The following PFKL variants were observed in gnomAD, a reference collection of about 807,000 sequenced individuals.
PFKL encodes the protein ATP-dependent 6-phosphofructokinase, liver type.
PFKL carries 74 observed loss-of-function variants against 92.1 expected under a neutral mutation model. The observed-to-expected ratio is 0.80, with a 90% CI of 0.67 to 0.97. PFKL has a LOEUF of 0.97. PFKL is among the 50% of genes least tolerant of loss of function. The pLI, the probability that PFKL is intolerant of heterozygous loss-of-function variation, is 0.00. For synonymous variants in PFKL, 494 were observed against 456.4 expected, an observed-to-expected ratio of 1.08 and a Z score of -1.05; for missense variants, 1,028 against 1,116.6, an observed-to-expected ratio of 0.92 and a Z score of 1.13.
At chr21:44,307,377 A>G in intron 2 of PFKL, 1 of 892,006 alleles carries the variant, frequency 1.1e-6, no homozygotes, top group South Asian at 5.2e-5. Flanking sequence ...ACACAGGCGC[A>G]TTCACACACT....
chr21:44,319,435 C>T lies in PFKL; in HGVS notation c.1127+20C>T. 3 of 1,606,232 alleles carry T rather than the reference C, an allele frequency of 1.9e-6. No individual in the cohort carries two copies. Among genetic ancestry groups the T allele is most frequent in the Non-Finnish European group, 2.6e-6 (3 of 1,173,372 alleles). On this transcript the variant is annotated intron_variant, in intron 11 of 21. Transcript: ENST00000349048. ...TGGTGGGTAAGCCCCCTCAGCAGAC[C>T]CCTGCACTCTTACATGGCTGGGTCC...
chr21:44,304,587 C>T lies in PFKL; in HGVS notation c.86-2094C>T, dbSNP rs572792868. ...ACTCCAGTGAGGGTGGGGGACAGGG[C>T]GCTGCACTCACAGCACCACCTTGGA... On this transcript the variant is annotated intron_variant, in intron 1 of 21. Transcript: ENST00000349048. The T allele has an allele frequency of 4.7e-5, 49 of 1,041,600 alleles. No individual in the cohort carries two copies. In the South Asian group the frequency reaches 9.3e-4, roughly 20 times the overall value. 64.5% of individuals were successfully genotyped at this position (1,041,600 alleles called of 1,614,324 possible). A position where few individuals can be genotyped will look rare whatever the true frequency, so the allele number is the denominator to read the frequency against.
intron 14 of PFKL, 91 bp downstream of exon 14, chr21:44,322,294 CG>C: frequency 2.4e-6 from 3 of 1,259,108 alleles, no homozygotes; most frequent in Non-Finnish European, 3.3e-6. Flanking sequence ...GAACCCAGCC[CG>C]GGGCCCTGGG....
In PFKL at chr21:44,326,830, C is replaced by T. The variant is rs1193605600; in HGVS notation, c.2311C>T (p.Arg771Cys). Reference protein sequence around the residue: ...YVSGELEHVTRRTLSMDKGF With the variant: ...YVSGELEHVTCRTLSMDKGF ...GTCAGGGGAGCTGGAGCACGTGACCCGCCGCACCCTGAGCATGGACAAGGG... is the reference window on the plus strand; with the variant it reads ...GTCAGGGGAGCTGGAGCACGTGACCTGCCGCACCCTGAGCATGGACAAGGG... Residue 771 changes from arginine to cysteine, a missense_variant, in exon 22 of 22, where the codon CGC becomes TGC. By Grantham distance (180) the Arg-to-Cys change is radical. Transcript: ENST00000349048. The T allele has an allele frequency of 5.6e-6, 9 of 1,610,148 alleles. No individual in the cohort carries two copies. Among genetic ancestry groups the T allele is most frequent in the Middle Eastern group, 1.7e-4 (1 of 6,002 alleles).
At chr21:44,313,734 G>T (rs554744932) in intron 6 of PFKL, 52 bp downstream of exon 6, 2 of 1,544,754 alleles carry the variant, frequency 1.3e-6, no homozygotes, top group African/African-American at 1.4e-5. Context: ...GCTGGGGACC[G>T]CAGTGACAGG....
chr21:44,319,451 G>T, intron 11 of PFKL, 36 bp downstream of exon 11: 1 of 1,575,402 alleles, frequency 6.3e-7, no homozygotes, highest in Non-Finnish European at 8.7e-7. Context: ...ACTCTTACAT[G>T]GCTGGGTCCC....
intron 9 of PFKL, 66 bp downstream of exon 9, chr21:44,316,590 G>C (rs1431547623): frequency 7.8e-7 from 1 of 1,280,016 alleles, no homozygotes; most frequent in South Asian, 1.3e-5. Flanking sequence ...TGTGGGTGTG[G>C]GCAGTGTGCA....
rs771403454 is a variant in PFKL, at chr21:44,313,016, C to A, written c.466C>A (p.Leu156Met). The A allele has an allele frequency of 1.2e-6, 2 of 1,613,168 alleles. No homozygotes were observed. The highest frequency in any genetic ancestry group is 1.7e-6 in the Non-Finnish European group (2 of 1,179,930). ...GACTACAGCCCGGACCTACTCGCAC[C>A]TGAACATCGCGGGCCTAGTGGGCTC... The part of the protein sequence containing the change: ...SETTARTYSH[L>M]NIAGLVGSID... The change falls in exon 5 of 22, where the codon CTG (leucine) becomes ATG (methionine). Residue 156 changes from leucine to methionine, a missense_variant. By Grantham distance (15) the Leu-to-Met change is conservative. Coordinates refer to ENST00000349048, the MANE Select transcript of PFKL (RefSeq NM_002626.6).
chr21:44,319,330 G>C (rs1328498236), intron 10 of PFKL, 21 bp from the exon 11 acceptor site: 2 of 1,609,560 alleles, frequency 1.2e-6, no homozygotes, highest in East Asian at 2.2e-5. Flanking sequence ...CATAGTCTGT[G>C]TTCTGTTTCT....
chr21:44,324,067 G>A (rs2047430557), intron 16 of PFKL, 149 bp downstream of exon 16: 2 of 867,956 alleles, frequency 2.3e-6, no homozygotes, highest in Non-Finnish European at 3.6e-6. Flanking sequence ...CCGGGTGAAG[G>A]GGCTCAGCTC....
At chr21:44,306,616 T>TGG (rs111498206) in intron 1 of PFKL, 65 bp from the exon 2 acceptor site, 59,722 of 1,385,636 alleles carry the variant, frequency 0.043, 1,160 homozygotes, top group Middle Eastern at 0.073. Flanking sequence ...TCCTCTGAGA[T>TGG]GGGGAGGGTG....
At position 44,326,237 on chromosome 21, in the gene PFKL, C is replaced by T. The variant is rs1195907325; in HGVS notation, c.2168C>T (p.Thr723Ile). The part of the protein sequence containing the change: ...KKKAVAFSPV[T>I]ELKKDTDFEH... ...AAGGCGGTGGCCTTCAGCCCCGTCA[C>T]TGAGCTCAAGAAAGACACTGATTTC... The change falls in exon 21 of 22, where the codon ACT becomes ATT. Residue 723 changes from threonine (T) to isoleucine (I), a missense_variant. Thr to Ile is a moderately conservative substitution (Grantham distance 89, BLOSUM62 -1). Coordinates refer to ENST00000349048, the MANE Select transcript of PFKL (RefSeq NM_002626.6). 6.2e-7 allele frequency: 1 copy of T among 1,612,434 alleles called. No homozygotes were observed. The highest frequency in any genetic ancestry group is 8.5e-7 in the Non-Finnish European group (1 of 1,179,400).
intron 7 of PFKL, 84 bp downstream of exon 7, chr21:44,314,105 C>T (rs1222701338): frequency 5.5e-6 from 5 of 901,760 alleles, no homozygotes; most frequent in East Asian, 5.2e-5. Context: ...CAGCCTTGAC[C>T]AACTCATCTA....
rs1169074211 is a variant in PFKL at position 44,319,349 on chromosome 21, A to G, written c.1063-2A>G. The G allele has an allele frequency of 6.2e-7, 1 of 1,612,618 alleles. No individual in the cohort carries two copies. The highest frequency in any genetic ancestry group is 8.5e-7 in the Non-Finnish European group (1 of 1,178,882). On this transcript the variant is annotated splice_acceptor_variant, in intron 10 of 21. Transcript: ENST00000349048. LOFTEE classifies it high-confidence loss of function. ...GTCTGTGTTCTGTTTCTCTTCCTTA[A>G]GACCAAGGAAGTGCAGAAAGCCATG...
intron 1 of PFKL, chr21:44,305,806 G>A (rs757828404): frequency 3.7e-6 from 5 of 1,366,800 alleles, no homozygotes; most frequent in Admixed American, 3.8e-5. Flanking sequence ...CCAGGAAACT[G>A]GCTTTGCCAA....
intron 4 of PFKL, 68 bp from the exon 5 acceptor site, chr21:44,312,910 A>G: frequency 6.5e-7 from 1 of 1,527,578 alleles, no homozygotes; most frequent in Non-Finnish European, 9.0e-7. Context: ...GTGGCAGGAG[A>G]GGGGTCTCTG....
chr21:44,314,067 C>A, intron 7 of PFKL, 46 bp downstream of exon 7: 1 of 1,337,058 alleles, frequency 7.5e-7, no homozygotes. Context: ...TCCTGGTGCA[C>A]TGGGTAGCGC....
intron 9 of PFKL, 91 bp from the exon 10 acceptor site, chr21:44,318,379 G>A: frequency 3.0e-6 from 4 of 1,319,538 alleles, no homozygotes; most frequent in Non-Finnish European, 3.9e-6. Context: ...GGGGGCTCTG[G>A]AAGCTGGGGT....
intron 10 of PFKL, among the ~76,000 whole-genome samples, 196 bp downstream of exon 10, chr21:44,318,791 C>T (rs575154803): frequency 3.5e-4 from 54 of 152,292 alleles, no homozygotes; most frequent in African/African-American, 1.3e-3. Flanking sequence ...GGACCTGGGA[C>T]GTTCCCCAGG....
Sources: allele counts gnomAD v4.1 joint callset (sites outside exome capture counted in the v4.1 genomes callset), GRCh38; gene constraint gnomAD v4.1.1; transcripts MANE v1.5; gene names NCBI Gene and HGNC (gene_info 2026-07-23, HGNC 2026-07-21).